CAPN3: variants seen among roughly 807,000 people sequenced by gnomAD.
The protein encoded by CAPN3 is calpain-3.
Under a neutral mutation model 114.0 loss-of-function variants are expected in CAPN3, and 88 were observed. That is an observed-to-expected ratio of 0.77 (90% CI 0.65 to 0.92). The LOEUF (loss-of-function observed/expected upper bound fraction) is 0.92. Ranked by LOEUF, CAPN3 falls within the 40% of genes least tolerant of loss-of-function variation. The probability of loss-of-function intolerance (pLI) is 0.00; values close to 1 mark genes in which losing one functional copy is unlikely to be tolerated. For missense variants in CAPN3, 1,028 were observed against 1,069.0 expected, an observed-to-expected ratio of 0.96 and a Z score of 0.53; for synonymous variants, 386 against 382.9, an observed-to-expected ratio of 1.01 and a Z score of -0.09.
In CAPN3 at chr15:42,389,071, G is replaced by T. The variant is rs772832630; in HGVS notation, c.776G>T (p.Gly259Val). 1 of 1,614,100 alleles carries T rather than the reference G, an allele frequency of 6.2e-7. No homozygotes were observed. The highest frequency in any genetic ancestry group is 8.5e-7 in the Non-Finnish European group (1 of 1,180,030). Residue 259 changes from glycine (G) to valine (V), a missense_variant, in exon 5 of 24, where the codon GGC becomes GTC. Gly to Val is a moderately radical substitution (Grantham distance 109). Transcript: ENST00000397163. ...ATCATGAAGAAAGCCATCGAGAGAG[G>T]CTCCCTCATGGGCTGCTCCATTGAT... is the stretch of plus-strand genomic sequence containing the variant. Reference protein sequence around the residue: ...YKIMKKAIERGSLMGCSIDDG... With the variant: ...YKIMKKAIERVSLMGCSIDDG...
At chr15:42,402,354 GAC>G (rs2053896427) in intron 12 of CAPN3, 2 of 1,473,982 alleles carry the variant, frequency 1.4e-6, no homozygotes, top group East Asian at 4.9e-5. Context: ...CCTCGCACCA[GAC>G]ACTGCACGTC....
chr15:42,393,256 T>C (rs28364447), intron 7 of CAPN3, among the ~76,000 whole-genome samples: 5,233 of 152,364 alleles, frequency 0.034, 92 homozygotes, highest in African/African-American at 0.04. Context: ...AAATAGTTAT[T>C]GCACTGCATT....
Position 42,359,919 on chromosome 15 carries a change from C to A in CAPN3, c.114C>A (p.Asn38Lys). 1 of 1,614,208 alleles carries A rather than the reference C, an allele frequency of 6.2e-7. No individual in the cohort carries two copies. The highest frequency in any genetic ancestry group is 8.5e-7 in the Non-Finnish European group (1 of 1,180,038). Residue 38 changes from asparagine to lysine, a missense_variant, in exon 1 of 24, where the codon AAC (asparagine) becomes AAA (lysine). Asn to Lys is a moderately conservative substitution (Grantham distance 94, BLOSUM62 0). Coordinates refer to ENST00000397163, the MANE Select transcript of CAPN3 (RefSeq NM_000070.3). Reference sequence around the variant, plus strand: ...AGGCCACTGAGGCTGGGGGTGGAAACCCAAGTGGCATCTATTCAGCCATCA... The same window carrying A: ...AGGCCACTGAGGCTGGGGGTGGAAAACCAAGTGGCATCTATTCAGCCATCA... ...QSKATEAGGGNPSGIYSAIIS... is the reference protein window; with the variant it reads ...QSKATEAGGGKPSGIYSAIIS...
intron 11 of CAPN3, 26 bp from the exon 12 acceptor site, chr15:42,402,098 C>T (rs2053889181): frequency 6.2e-7 from 1 of 1,613,904 alleles, no homozygotes; most frequent in African/African-American, 1.3e-5. Context: ...ACATCTGAAG[C>T]ATCTTCCTTT....
In CAPN3 at chr15:42,412,255, C is replaced by T. The variant is rs937024286; in HGVS notation, c.*482C>T. ...GGGCTGGTTACTTTGGGCTGTCCAA[C>T]TCATAAGTTTGGCTGCATTTTGAAA... On this transcript the variant is annotated 3_prime_UTR_variant, in exon 24 of 24. Transcript: ENST00000397163. 7.0e-7 allele frequency: 1 copy of T among 1,418,922 alleles called. No homozygotes were observed. The highest frequency in any genetic ancestry group is 1.4e-5 in the African/African-American group (1 of 70,304). 87.9% of individuals were successfully genotyped at this position (1,418,922 alleles called of 1,614,324 possible). A position where few individuals can be genotyped will look rare whatever the true frequency, so the allele number is the denominator to read the frequency against.
At chr15:42,375,552 G>C (rs1420722366) in intron 1 of CAPN3, among the ~76,000 whole-genome samples, 1 of 152,142 alleles carries the variant, frequency 6.6e-6, no homozygotes, top group Admixed American at 6.5e-5. Flanking sequence ...AAACTCTCTA[G>C]ACCAGTAGGC....
rs139164973 is a variant in CAPN3, at chr15:42,378,320, G to A, written c.310-6163G>A. ...ACCACATGAGTAAACAAGCTCTTTA[G>A]ATAAACTCCTCTACATTCCTATGTA... On this transcript the variant is annotated intron_variant, in intron 1 of 23. Transcript: ENST00000397163. 9.2e-3 allele frequency among the ~76,000 whole-genome samples: 1,398 copies of A among 152,332 alleles called. 25 individuals are homozygous for A. Among genetic ancestry groups the A allele is most frequent in the African/African-American group, 0.032 (1,336 of 41,578 alleles).
chr15:42,400,811 C>T (rs1274426111), intron 10 of CAPN3, among the ~76,000 whole-genome samples: 1 of 151,956 alleles, frequency 6.6e-6, no homozygotes, highest in Non-Finnish European at 1.5e-5. Context: ...TGTAGAGTGT[C>T]CCAGTGAAGA....
At chr15:42,377,410 C>A (rs1391769779) in intron 1 of CAPN3, among the ~76,000 whole-genome samples, 1 of 152,134 alleles carries the variant, frequency 6.6e-6, no homozygotes, top group Non-Finnish European at 1.5e-5. Flanking sequence ...TTGTCAAGGG[C>A]ATTTTCTCCA....
At chr15:42,371,481 C>T (rs1301716542) in intron 1 of CAPN3, among the ~76,000 whole-genome samples, 2 of 152,152 alleles carry the variant, frequency 1.3e-5, no homozygotes, top group Non-Finnish European at 2.9e-5. Flanking sequence ...CTTGTCTGTT[C>T]CTTGATCATC....
intron 2 of CAPN3, chr15:42,385,667 T>G (rs775171042): frequency 1.3e-5 from 7 of 519,300 alleles, no homozygotes; most frequent in Non-Finnish European, 2.7e-5. Context: ...AATGTCTTAC[T>G]GCCCCCTATA....
chr15:42,406,505 C>CT (rs1305773583), intron 15 of CAPN3, among the ~76,000 whole-genome samples: 2 of 151,896 alleles, frequency 1.3e-5, no homozygotes, highest in Non-Finnish European at 2.9e-5. Context: ...CAGTCCCTCT[C>CT]TTTTTTTTCC....
chr15:42,359,740 T>G lies in CAPN3; in HGVS notation c.-66T>G. 1 of 1,608,608 alleles carries G rather than the reference T, an allele frequency of 6.2e-7. No homozygotes were observed. Among genetic ancestry groups the G allele is most frequent in the Non-Finnish European group, 8.5e-7 (1 of 1,178,970 alleles). The stretch of plus-strand genomic sequence containing the variant: ...CTCCAACTTCCCCTTTGCAGTTGCT[T>G]CCTTTCCTTGAAGGTAGCTGTATCT... On this transcript the variant is annotated 5_prime_UTR_variant, in exon 1 of 24. Coordinates refer to ENST00000397163, the MANE Select transcript of CAPN3 (RefSeq NM_000070.3).
At chr15:42,388,008 C>G in intron 4 of CAPN3, 122 bp downstream of exon 4, 1 of 1,182,610 alleles carries the variant, frequency 8.5e-7, no homozygotes, top group Non-Finnish European at 1.2e-6. Context: ...TGTGGGCATG[C>G]AAGTCCAACT....
chr15:42,360,000 C>A lies in CAPN3; in HGVS notation c.195C>A (p.His65Gln). 1.9e-6 allele frequency: 3 copies of A among 1,614,212 alleles called. No homozygotes were observed. The highest frequency in any genetic ancestry group is 2.2e-5 in the South Asian group (2 of 91,084). Residue 65 changes from histidine to glutamine, a missense_variant, in exon 1 of 24, where the codon CAC becomes CAA. Coordinates refer to ENST00000397163, the MANE Select transcript of CAPN3 (RefSeq NM_000070.3). ...AAGAGAAGACATTCGAGCAACTTCA[C>A]AAGAAATGTCTAGAAAAGAAAGTTC... Reference protein sequence around the residue: ...GVKEKTFEQLHKKCLEKKVLY... With the variant: ...GVKEKTFEQLQKKCLEKKVLY...
chr15:42,393,872 C>T (rs1342263745), intron 7 of CAPN3, among the ~76,000 whole-genome samples: 2 of 152,046 alleles, frequency 1.3e-5, no homozygotes, highest in African/African-American at 2.4e-5. Context: ...GGATTACAGG[C>T]GTGAGCCACC....
intron 6 of CAPN3, 88 bp from the exon 7 acceptor site, chr15:42,392,551 G>T: frequency 9.8e-7 from 1 of 1,021,470 alleles, no homozygotes. Context: ...CACAGAGCCC[G>T]GAAAATGAAC....
chr15:42,361,817 G>A (rs1008148138), intron 1 of CAPN3, among the ~76,000 whole-genome samples: 4 of 152,174 alleles, frequency 2.6e-5, no homozygotes, highest in African/African-American at 7.2e-5. Flanking sequence ...ACATTTAGCT[G>A]CTCTGTAGTT....
chr15:42,368,096 T>C (rs1244320193), intron 1 of CAPN3, among the ~76,000 whole-genome samples: 2 of 152,242 alleles, frequency 1.3e-5, no homozygotes, highest in Non-Finnish European at 2.9e-5. Context: ...GCAGATGCCA[T>C]ATTTGCAAAT....
Sources: gnomAD v4.1 joint callset for allele counts (sites outside exome capture counted in the v4.1 genomes callset) on GRCh38, gnomAD v4.1.1 for gene constraint, MANE v1.5 for transcripts, NCBI Gene and HGNC (gene_info 2026-07-23, HGNC 2026-07-21) for gene names.